SLC4A8: variants seen among roughly 807,000 people sequenced by gnomAD.
SLC4A8 encodes electroneutral sodium bicarbonate exchanger 1.
In SLC4A8, 40 loss-of-function variants were observed where a neutral mutation model predicts 125.0. The ratio of observed to expected loss-of-function variants is 0.32; its 90% CI spans 0.25 to 0.42. The LOEUF (loss-of-function observed/expected upper bound fraction) is 0.42, where lower values mean the gene tolerates loss of function less well. SLC4A8 is among the 10% of genes least tolerant of loss of function. SLC4A8 has a pLI of 1.00. For missense variants in SLC4A8, 863 were observed against 1,355.1 expected, an observed-to-expected ratio of 0.64 and a Z score of 5.70; for synonymous variants, 456 against 476.0, an observed-to-expected ratio of 0.96 and a Z score of 0.55.
intron 1 of SLC4A8, among the ~76,000 whole-genome samples, chr12:51,394,157 C>T (rs1474461881): frequency 6.6e-6 from 1 of 152,244 alleles, no homozygotes; most frequent in Non-Finnish European, 1.5e-5. Context: ...CTTCCCAGGA[C>T]AGGGTCATGG....
intron 16 of SLC4A8, among the ~76,000 whole-genome samples, chr12:51,476,996 C>T (rs543344541): frequency 6.6e-6 from 1 of 150,402 alleles, no homozygotes; most frequent in South Asian, 2.1e-4. Flanking sequence ...CAACCTCTGC[C>T]TCCCGGGTTC....
chr12:51,439,059 T>C (rs1321530995), intron 1 of SLC4A8, among the ~76,000 whole-genome samples: 3 of 152,108 alleles, frequency 2.0e-5, no homozygotes, highest in Non-Finnish European at 4.4e-5. Context: ...CAGAGGAGAC[T>C]TTTTTTATTT....
chr12:51,494,828 G>T (rs746001849), intron 20 of SLC4A8, 117 bp from the exon 21 acceptor site: 4 of 752,546 alleles, frequency 5.3e-6, no homozygotes, highest in South Asian at 2.5e-5. Flanking sequence ...TTTCTGTCCA[G>T]AGGAAATGGT....
intron 1 of SLC4A8, among the ~76,000 whole-genome samples, chr12:51,429,782 T>C (rs972966206): frequency 6.6e-6 from 1 of 151,956 alleles, no homozygotes; most frequent in African/African-American, 2.4e-5. Flanking sequence ...GTGCTGGGAT[T>C]ATAGGCATGA....
At chr12:51,420,585 A>G (rs1214381518), upstream of SLC4A8, among the ~76,000 whole-genome samples, 1 of 152,188 alleles carries the variant, frequency 6.6e-6, no homozygotes, top group Non-Finnish European at 1.5e-5. Context: ...TACTTATCTG[A>G]AAAAGAGAAT....
intron 2 of SLC4A8, among the ~76,000 whole-genome samples, chr12:51,443,135 G>GT (rs992229954): frequency 1.3e-5 from 2 of 152,024 alleles, no homozygotes. Flanking sequence ...TTGTTTGATT[G>GT]TTTTTTGAGG....
At chr12:51,431,148 C>T (rs954772762) in intron 1 of SLC4A8, among the ~76,000 whole-genome samples, 1 of 152,188 alleles carries the variant, frequency 6.6e-6, no homozygotes, top group Non-Finnish European at 1.5e-5. Context: ...AACATAGCAT[C>T]TCTCAGAACC....
intron 1 of SLC4A8, among the ~76,000 whole-genome samples, chr12:51,418,378 G>A (rs980081951): frequency 2.6e-4 from 39 of 152,130 alleles, no homozygotes; most frequent in African/African-American, 7.5e-4. Context: ...AATTCTTAGG[G>A]GGCAGGGACA....
intron 10 of SLC4A8, 41 bp downstream of exon 10, chr12:51,462,497 C>T (rs1276483470): frequency 6.6e-7 from 1 of 1,505,150 alleles, no homozygotes; most frequent in African/African-American, 1.4e-5. Flanking sequence ...TTGTCACTTA[C>T]TGACTGCCCA....
At chr12:51,423,436 T>C (rs901858348), upstream of SLC4A8, among the ~76,000 whole-genome samples, 1 of 152,110 alleles carries the variant, frequency 6.6e-6, no homozygotes, top group Non-Finnish European at 1.5e-5. Flanking sequence ...AGATTCAAGA[T>C]GACAGGATTA....
At position 51,505,820 on chromosome 12, in the gene SLC4A8, A is replaced by T; in HGVS notation, c.3174-15A>T. 1.7e-6 allele frequency: 2 copies of T among 1,184,874 alleles called. No individual in the cohort carries two copies. Among genetic ancestry groups the T allele is most frequent in the Non-Finnish European group, 2.5e-6 (2 of 795,488 alleles). 73.4% of individuals were successfully genotyped at this position (1,184,874 alleles called of 1,614,324 possible). On this transcript the variant is annotated splice_polypyrimidine_tract_variant and intron_variant, in intron 23 of 24. Transcript: ENST00000453097. ...TTGTATGTCTGACATTCACTGTCCT[A>T]ATGATTGATTTCAGATGTGACCCCT...
At chr12:51,478,642 A>G (rs1950929479) in intron 16 of SLC4A8, among the ~76,000 whole-genome samples, 1 of 152,164 alleles carries the variant, frequency 6.6e-6, no homozygotes, top group South Asian at 2.1e-4. Flanking sequence ...TGTATTTCAA[A>G]TTACTCAGTC....
intron 2 of SLC4A8, among the ~76,000 whole-genome samples, chr12:51,446,962 T>A (rs1455709826): frequency 6.6e-6 from 1 of 152,186 alleles, no homozygotes; most frequent in Non-Finnish European, 1.5e-5. Context: ...GATAGCTGCT[T>A]AACTTTAACG....
At chr12:51,393,905 A>T (rs1054127252) in intron 1 of SLC4A8, among the ~76,000 whole-genome samples, 1 of 152,112 alleles carries the variant, frequency 6.6e-6, no homozygotes, top group Non-Finnish European at 1.5e-5. Flanking sequence ...TATTCTTGTC[A>T]TGTGCCTTAC....
intron 1 of SLC4A8, among the ~76,000 whole-genome samples, chr12:51,400,770 A>G (rs1398974411): frequency 0.28 from 980 of 3,522 alleles, 129 homozygotes; most frequent in Non-Finnish European, 0.34. Flanking sequence ...ATATATATAT[A>G]TATATATACA....
intron 1 of SLC4A8, among the ~76,000 whole-genome samples, chr12:51,396,248 C>T (rs1458426627): frequency 6.6e-6 from 1 of 152,136 alleles, no homozygotes; most frequent in Admixed American, 6.5e-5. Flanking sequence ...CAATAAAATG[C>T]TGTTAAAGTG....
rs1205670401 is a variant in SLC4A8, at chr12:51,491,775, A to ACC, written c.2700+1825_2700+1826insCC. On this transcript the variant is annotated intron_variant, in intron 19 of 24. Coordinates refer to ENST00000453097, the MANE Select transcript of SLC4A8 (RefSeq NM_001039960.3). ...CACACACACACACACACACACACACACACCCCTCTTTAACAGAAATGATGC... is the reference window on the plus strand; with the variant it reads ...CACACACACACACACACACACACACACCCACCCCTCTTTAACAGAAATGATGC... 1.3e-5 allele frequency among the ~76,000 whole-genome samples: 2 copies of ACC among 151,766 alleles called. 1 individual carries two copies. Among genetic ancestry groups the ACC allele is most frequent in the South Asian group, 4.2e-4 (2 of 4,782 alleles).
intron 1 of SLC4A8, among the ~76,000 whole-genome samples, chr12:51,437,321 C>T (rs979821425): frequency 2.0e-5 from 3 of 152,154 alleles, no homozygotes; most frequent in Non-Finnish European, 2.9e-5. Flanking sequence ...AAGGTGATAT[C>T]GTTTGGCTAT....
At chr12:51,436,280 A>G (rs1286267565) in intron 1 of SLC4A8, among the ~76,000 whole-genome samples, 1 of 152,150 alleles carries the variant, frequency 6.6e-6, no homozygotes, top group Non-Finnish European at 1.5e-5. Context: ...TAGGATAACC[A>G]AAAAACAGTT....
Sources: gnomAD v4.1 joint callset for allele counts (sites outside exome capture counted in the v4.1 genomes callset) on GRCh38, gnomAD v4.1.1 for gene constraint, MANE v1.5 for transcripts, NCBI Gene and HGNC (gene_info 2026-07-23, HGNC 2026-07-21) for gene names.